ULK4: variants seen among roughly 807,000 people sequenced by gnomAD.
ULK4 encodes the protein inactive serine/threonine-protein kinase ULK4.
A neutral mutation model predicts 160.6 loss-of-function variants in ULK4; 133 were observed. The ratio of observed to expected loss-of-function variants is 0.83; its 90% CI spans 0.72 to 0.96. ULK4 has a LOEUF of 0.96. Ranked by LOEUF, ULK4 falls within the 40% of genes least tolerant of loss-of-function variation. ULK4 has a pLI of 0.00. For synonymous variants in ULK4, 534 were observed against 539.8 expected, an observed-to-expected ratio of 0.99 and a Z score of 0.15; for missense variants, 1,580 against 1,499.5, an observed-to-expected ratio of 1.05 and a Z score of -0.89.
intron 2 of ULK4, among the ~76,000 whole-genome samples, chr3:41,943,639 C>T (rs1359210278): frequency 6.6e-6 from 1 of 152,182 alleles, no homozygotes; most frequent in Non-Finnish European, 1.5e-5. Flanking sequence ...TAACTGATGA[C>T]TTTGCTTATT....
intron 21 of ULK4, among the ~76,000 whole-genome samples, chr3:41,786,516 G>A (rs1196538455): frequency 6.7e-6 from 1 of 149,620 alleles, no homozygotes; most frequent in Non-Finnish European, 1.5e-5. Flanking sequence ...GTGGTCACCT[G>A]AGCCCAGAAG....
intron 31 of ULK4, among the ~76,000 whole-genome samples, chr3:41,612,062 G>GT (rs1319650924): frequency 1.3e-5 from 2 of 152,112 alleles, no homozygotes; most frequent in African/African-American, 2.4e-5. Flanking sequence ...AAAATACAGT[G>GT]TAACAACTAT....
At chr3:41,915,922 C>T (rs1189260720) in intron 8 of ULK4, 55 bp downstream of exon 8, 20 of 1,237,144 alleles carry the variant, frequency 1.6e-5, no homozygotes, top group Middle Eastern at 1.9e-4. Flanking sequence ...CTGCCCCTTA[C>T]TCCATTTGCA....
At chr3:41,668,744 G>A (rs2035433597) in intron 29 of ULK4, among the ~76,000 whole-genome samples, 2 of 152,082 alleles carry the variant, frequency 1.3e-5, no homozygotes, top group East Asian at 1.9e-4. Context: ...CATATCTCAA[G>A]AAAATGTATC....
At chr3:41,893,451 T>C (rs1316924438) in intron 16 of ULK4, among the ~76,000 whole-genome samples, 1 of 152,166 alleles carries the variant, frequency 6.6e-6, no homozygotes, top group African/African-American at 2.4e-5. Flanking sequence ...TTTAAACACA[T>C]TGACTGGGAT....
chr3:41,500,312 G>C (rs963948508), intron 32 of ULK4, among the ~76,000 whole-genome samples: 10 of 145,084 alleles, frequency 6.9e-5, no homozygotes, highest in Non-Finnish European at 1.2e-4. Context: ...AATCATTTAA[G>C]GCACTGGTTC....
At chr3:41,957,236 C>G (rs984920661) in intron 1 of ULK4, among the ~76,000 whole-genome samples, 8 of 151,522 alleles carry the variant, frequency 5.3e-5, no homozygotes, top group Admixed American at 1.3e-4. Flanking sequence ...GGCTGATCGC[C>G]TGAGGTCAGG....
At chr3:41,303,913 T>C (rs1221814086) in intron 35 of ULK4, among the ~76,000 whole-genome samples, 1 of 151,864 alleles carries the variant, frequency 6.6e-6, no homozygotes, top group Non-Finnish European at 1.5e-5. Flanking sequence ...TTCTTAGAAA[T>C]ATTTGGGAGG....
chr3:41,710,709 G>T (rs2037064233), intron 25 of ULK4, among the ~76,000 whole-genome samples: 1 of 151,618 alleles, frequency 6.6e-6, no homozygotes, highest in Non-Finnish European at 1.5e-5. Context: ...AATGAGAATT[G>T]CTGGAACCCA....
At chr3:41,597,987 C>A (rs894960219) in intron 31 of ULK4, among the ~76,000 whole-genome samples, 1 of 152,222 alleles carries the variant, frequency 6.6e-6, no homozygotes, top group Non-Finnish European at 1.5e-5. Context: ...TGAAAAAACT[C>A]ATTTCTAAGC....
chr3:41,386,805 G>A (rs2081823128), intron 35 of ULK4, among the ~76,000 whole-genome samples: 1 of 152,142 alleles, frequency 6.6e-6, no homozygotes, highest in African/African-American at 2.4e-5. Flanking sequence ...GATGTGTGGG[G>A]AAATGAGACA....
chr3:41,529,707 G>A (rs1201799393), intron 32 of ULK4, among the ~76,000 whole-genome samples: 1 of 152,140 alleles, frequency 6.6e-6, no homozygotes, highest in Non-Finnish European at 1.5e-5. Context: ...TGGTCAGGCT[G>A]GTCTCGAACT....
At chr3:41,748,199 CAT>C (rs1279349128) in intron 22 of ULK4, among the ~76,000 whole-genome samples, 2 of 140,682 alleles carry the variant, frequency 1.4e-5, no homozygotes, top group Non-Finnish European at 3.0e-5. Flanking sequence ...GTATATATAC[CAT>C]ATATAGAGAG....
intron 35 of ULK4, among the ~76,000 whole-genome samples, chr3:41,395,040 T>C (rs2082027635): frequency 6.6e-6 from 1 of 152,074 alleles, no homozygotes; most frequent in Non-Finnish European, 1.5e-5. Context: ...AGCAAACAGT[T>C]GTTGTGATCC....
In ULK4 at chr3:41,571,222, G is replaced by A. The variant is rs200478997; in HGVS notation, c.3121-5092C>T. Among the ~76,000 whole-genome samples, 4 of 152,256 alleles carry A rather than the reference G, an allele frequency of 2.6e-5. No individual in the cohort carries two copies. The East Asian group carries it at 7.7e-4, about 29-fold the overall frequency. On this transcript the variant is annotated intron_variant, in intron 31 of 36. Coordinates refer to ENST00000301831, the MANE Select transcript of ULK4 (RefSeq NM_017886.4). ...TATATGCCTTCTTGCATAGTGCAGC[G>A]GAGGGAGACCTTGGAGCACAGTAAT...
intron 32 of ULK4, among the ~76,000 whole-genome samples, chr3:41,562,050 G>A (rs866977971): frequency 2.0e-5 from 3 of 152,124 alleles, no homozygotes; most frequent in African/African-American, 7.2e-5. Flanking sequence ...CAGAGATTCT[G>A]GTACGTTGTG....
In ULK4 at chr3:41,251,682, G is replaced by A. The variant is rs779694846; in HGVS notation, c.3679-2108C>T. On this transcript the variant is annotated intron_variant, in intron 35 of 36. Coordinates refer to ENST00000301831, the MANE Select transcript of ULK4 (RefSeq NM_017886.4). ...ATCCTCTTGTGTCCCAGGCCATTCT[G>A]TGATGGCAGCAGTGGTAGTGGGGAC... Among the ~76,000 whole-genome samples the A allele has an allele frequency of 5.3e-5, 8 of 152,286 alleles. No homozygotes were observed. The Middle Eastern group carries it at 0.01, about 194-fold the overall frequency.
chr3:41,696,126 GT>G (rs1281109970), intron 27 of ULK4, among the ~76,000 whole-genome samples: 2 of 152,144 alleles, frequency 1.3e-5, no homozygotes, highest in Non-Finnish European at 2.9e-5. Context: ...CCCCGGGGGA[GT>G]TTAGAAAAGA....
chr3:41,956,050 C>G (rs1042315911), intron 1 of ULK4, among the ~76,000 whole-genome samples: 4 of 152,156 alleles, frequency 2.6e-5, no homozygotes, highest in African/African-American at 7.2e-5. Context: ...TAACTTTCCA[C>G]GCCTAAGTAA....
Sources: gnomAD v4.1 joint callset for allele counts (sites outside exome capture counted in the v4.1 genomes callset) on GRCh38, gnomAD v4.1.1 for gene constraint, MANE v1.5 for transcripts, NCBI Gene and HGNC (gene_info 2026-07-23, HGNC 2026-07-21) for gene names.